PTPRE: variants seen among roughly 807,000 people sequenced by gnomAD.
PTPRE encodes receptor-type tyrosine-protein phosphatase epsilon.
In PTPRE, 51 loss-of-function variants were observed where a neutral mutation model predicts 102.0. That is an observed-to-expected ratio of 0.50 (90% confidence interval 0.40 to 0.63). The LOEUF (loss-of-function observed/expected upper bound fraction) is 0.63. PTPRE is among the 30% of genes least tolerant of loss of function. The probability of loss-of-function intolerance (pLI) is 0.00; values close to 1 mark genes in which losing one functional copy is unlikely to be tolerated. For missense variants in PTPRE, 752 were observed against 915.1 expected (o/e 0.82, Z 2.30); for synonymous variants, 345 against 348.2 (o/e 0.99, Z 0.10).
intron 2 of PTPRE, among the ~76,000 whole-genome samples, chr10:128,025,319 C>G (rs1010599800): frequency 1.3e-5 from 2 of 152,126 alleles, no homozygotes; most frequent in African/African-American, 4.8e-5. Flanking sequence ...TGCTGTAACT[C>G]CCCAGTGAGG....
intron 1 of PTPRE, among the ~76,000 whole-genome samples, chr10:127,943,882 G>A (rs988665850): frequency 3.3e-5 from 5 of 152,202 alleles, no homozygotes; most frequent in South Asian, 2.1e-4. Flanking sequence ...TGGGGTGGCA[G>A]TATTGGGCAT....
intron 2 of PTPRE, among the ~76,000 whole-genome samples, chr10:128,017,450 C>G (rs1391267458): frequency 6.6e-6 from 1 of 151,930 alleles, no homozygotes; most frequent in Non-Finnish European, 1.5e-5. Context: ...TTTTTTCTTT[C>G]TCACAGACAT....
chr10:127,934,979 C>T (rs1211403285), intron 1 of PTPRE: 3 of 152,326 alleles, frequency 2.0e-5, no homozygotes, highest in Non-Finnish European at 4.4e-5. Flanking sequence ...GCATAGCCTC[C>T]ACTCCTCCCC....
At chr10:128,078,633 T>C (rs906242819) in intron 19 of PTPRE, among the ~76,000 whole-genome samples, 12 of 152,092 alleles carry the variant, frequency 7.9e-5, no homozygotes, top group Middle Eastern at 3.2e-3. Flanking sequence ...GGCAGAGCTC[T>C]CTCCCTGCCT....
intron 1 of PTPRE, among the ~76,000 whole-genome samples, chr10:127,914,382 G>C (rs1846065203): frequency 6.6e-6 from 1 of 152,198 alleles, no homozygotes; most frequent in East Asian, 1.9e-4. Context: ...AGGCTTTGCG[G>C]ACACCGGTGG....
intron 2 of PTPRE, among the ~76,000 whole-genome samples, chr10:128,031,258 T>A (rs1846730836): frequency 6.6e-6 from 1 of 152,180 alleles, no homozygotes; most frequent in Non-Finnish European, 1.5e-5. Flanking sequence ...CTTTTGGAGG[T>A]CTGATCCAGG....
In PTPRE at chr10:128,008,012, C is replaced by T. The variant is rs775051911; in HGVS notation, c.-8+25716C>T. On this transcript the variant is annotated intron_variant, in intron 2 of 20. Transcript: ENST00000254667. The surrounding 1 kb of genome is among the most constrained non-coding windows in gnomAD (Gnocchi z 4.0). ...ATGGAACCCCGAGCTTCTCATCACACCTGCTGCTTACAGGGGTTGCACTGG... is the reference window on the plus strand; with the variant it reads ...ATGGAACCCCGAGCTTCTCATCACATCTGCTGCTTACAGGGGTTGCACTGG... Among the ~76,000 whole-genome samples the T allele has an allele frequency of 6.6e-6, 1 of 152,172 alleles. No individual in the cohort carries two copies. Among genetic ancestry groups the T allele is most frequent in the South Asian group, 2.1e-4 (1 of 4,828 alleles).
chr10:128,034,522 C>A lies in PTPRE; in HGVS notation c.-7-6353C>A, dbSNP rs190757076. Among the ~76,000 whole-genome samples the A allele has an allele frequency of 5.0e-4, 75 of 150,794 alleles. No homozygotes were observed. The East Asian group carries it at 1.0e-2, about 20-fold the overall frequency. ...CTGGGCAACATAGTGAGACCCCCCC[C>A]ATCTTTACGAAAAAAAGTCTTAAAT... On this transcript the variant is annotated intron_variant, in intron 2 of 20. Coordinates refer to ENST00000254667, the MANE Select transcript of PTPRE (RefSeq NM_006504.6).
intron 2 of PTPRE, among the ~76,000 whole-genome samples, chr10:128,030,994 C>A (rs904676100): frequency 6.6e-6 from 1 of 152,218 alleles, no homozygotes; most frequent in Admixed American, 6.5e-5. Flanking sequence ...CTCTCTCTGG[C>A]TGAATCGCAA....
chr10:128,047,862 G>C (rs915137000), intron 5 of PTPRE, 25 bp downstream of exon 5: 1 of 1,549,306 alleles, frequency 6.5e-7, no homozygotes, highest in Non-Finnish European at 8.7e-7. Flanking sequence ...CTCTGGCTGG[G>C]GCTTGGGGGA....
At chr10:127,941,900 G>A (rs1273707007) in intron 1 of PTPRE, among the ~76,000 whole-genome samples, 1 of 152,122 alleles carries the variant, frequency 6.6e-6, no homozygotes, top group African/African-American at 2.4e-5. Flanking sequence ...TGGGCCCAGG[G>A]CAGAGCCACC....
chr10:128,031,401 G>A (rs1010879299), intron 2 of PTPRE, among the ~76,000 whole-genome samples: 10 of 152,250 alleles, frequency 6.6e-5, no homozygotes, highest in African/African-American at 2.2e-4. Flanking sequence ...GGGAGACAGC[G>A]GGAGGGCTGT....
intron 1 of PTPRE, among the ~76,000 whole-genome samples, chr10:127,931,979 A>G (rs1295005069): frequency 5.3e-5 from 8 of 152,188 alleles, no homozygotes; most frequent in African/African-American, 1.9e-4. Context: ...CCAAGTTTTG[A>G]CTTAGTCATC....
rs1589700149 is a variant in PTPRE at position 127,907,338 on chromosome 10, C to T, written c.-31+29C>T. The T allele has an allele frequency of 9.1e-6, 9 of 984,342 alleles. No homozygotes were observed. The African/African-American group carries it at 1.2e-4, about 13-fold the overall frequency. The allele number at this position is 984,342 out of a possible 1,614,324, so 61.0% of individuals were successfully genotyped here. ...AGCGCGCGTGCGGACAGGGACCCTG[C>T]GCCCCTGTGGGGAACTGTGCACCCC... On this transcript the variant is annotated intron_variant, in intron 1 of 20. Transcript: ENST00000254667. The surrounding 1 kb of genome is among the most constrained non-coding windows in gnomAD (Gnocchi z 4.8).
intron 2 of PTPRE, among the ~76,000 whole-genome samples, chr10:127,994,473 T>C (rs1437218385): frequency 1.9e-4 from 29 of 152,222 alleles, no homozygotes. Context: ...CCCCATAGGA[T>C]AGGGATCCCA....
At position 128,069,911 on chromosome 10, in the gene PTPRE, C is replaced by G. The variant is rs190733686; in HGVS notation, c.1143+84C>G. 666 of 1,595,820 alleles carry G rather than the reference C, an allele frequency of 4.2e-4. 4 individuals carry two copies. The East Asian group carries it at 0.01, about 25-fold the overall frequency. On this transcript the variant is annotated intron_variant, in intron 13 of 20. Transcript: ENST00000254667. The stretch of plus-strand genomic sequence containing the variant: ...GCCACACAGGTGTGCAGGGCCCTGG[C>G]TCTGATGGGCACGTGGCAACCAGCC...
At chr10:127,996,376 G>A (rs1589949117) in intron 2 of PTPRE, among the ~76,000 whole-genome samples, 1 of 152,246 alleles carries the variant, frequency 6.6e-6, no homozygotes. Context: ...GACGTGAGTG[G>A]TTGCGTGTTG....
rs184707769 is a variant in PTPRE at position 127,939,266 on chromosome 10, G to T, written c.-31+31957G>T. On this transcript the variant is annotated intron_variant, in intron 1 of 20. Coordinates refer to ENST00000254667, the MANE Select transcript of PTPRE (RefSeq NM_006504.6). ...AAAGGGAATCATTCCCGCAGTTAAA[G>T]AATTCATCTTGGAATCCTCTGGTTT... Among the ~76,000 whole-genome samples the T allele has an allele frequency of 1.4e-4, 22 of 152,270 alleles. No individual in the cohort carries two copies. In the East Asian group the frequency reaches 4.0e-3, roughly 28 times the overall value.
At chr10:127,984,096 T>G (rs1037171623) in intron 2 of PTPRE, among the ~76,000 whole-genome samples, 7 of 150,260 alleles carry the variant, frequency 4.7e-5, no homozygotes, top group Non-Finnish European at 8.9e-5. Flanking sequence ...TTTTTTTTTT[T>G]TTGAGACAGA....
Sources: allele counts gnomAD v4.1 joint callset (sites outside exome capture counted in the v4.1 genomes callset), GRCh38; gene constraint gnomAD v4.1.1; non-coding constraint Gnocchi (gnomAD v3.1); transcripts MANE v1.5; gene names NCBI Gene and HGNC (gene_info 2026-07-23, HGNC 2026-07-21).